PTPRM: variants seen among roughly 807,000 people sequenced by gnomAD.
PTPRM encodes the protein protein tyrosine phosphatase receptor type M.
In PTPRM, 47 loss-of-function variants were observed where a neutral mutation model predicts 186.7. That is an observed-to-expected ratio of 0.25 (90% confidence interval 0.20 to 0.32). PTPRM has a LOEUF of 0.32. PTPRM is among the 10% of genes least tolerant of loss of function. PTPRM has a pLI of 1.00. For missense variants in PTPRM, 1,494 were observed against 1,865.0 expected, an observed-to-expected ratio of 0.80 and a Z score of 3.66; for synonymous variants, 668 against 674.9, an observed-to-expected ratio of 0.99 and a Z score of 0.16.
chr18:7,808,416 C>T (rs1341103541), intron 2 of PTPRM, among the ~76,000 whole-genome samples: 1 of 152,160 alleles, frequency 6.6e-6, no homozygotes, highest in African/African-American at 2.4e-5. Context: ...TGTGAGATTC[C>T]ACCCAGTAAT....
intron 14 of PTPRM, among the ~76,000 whole-genome samples, chr18:8,185,992 GACATT>G (rs2093636619): frequency 6.6e-6 from 1 of 152,122 alleles, no homozygotes; most frequent in African/African-American, 2.4e-5. Context: ...TTATTTGTTG[GACATT>G]TTGTGAAGAG....
At chr18:8,023,414 C>CA (rs1314393064) in intron 7 of PTPRM, among the ~76,000 whole-genome samples, 1 of 151,714 alleles carries the variant, frequency 6.6e-6, no homozygotes, top group Non-Finnish European at 1.5e-5. Context: ...TGATTGGTTT[C>CA]AAAAAAAGAC....
At chr18:8,255,997 A>C (rs2094571154) in intron 19 of PTPRM, among the ~76,000 whole-genome samples, 1 of 152,206 alleles carries the variant, frequency 6.6e-6, no homozygotes, top group Non-Finnish European at 1.5e-5. Context: ...AGGTACTCAT[A>C]TGTCCCACTT....
intron 8 of PTPRM, among the ~76,000 whole-genome samples, 192 bp from the exon 9 acceptor site, chr18:8,076,263 G>A (rs1455802960): frequency 6.6e-6 from 1 of 152,052 alleles, no homozygotes; most frequent in Admixed American, 6.6e-5. Flanking sequence ...GAAAAAAAAT[G>A]ATAAAGTTAT....
At chr18:7,734,493 G>A (rs541995401) in intron 1 of PTPRM, among the ~76,000 whole-genome samples, 1 of 152,234 alleles carries the variant, frequency 6.6e-6, no homozygotes, top group Admixed American at 6.5e-5. Flanking sequence ...GTACTAAATC[G>A]AAGAATTGCT....
intron 2 of PTPRM, among the ~76,000 whole-genome samples, chr18:7,798,685 A>G (rs184819148): frequency 6.6e-6 from 1 of 152,238 alleles, no homozygotes; most frequent in East Asian, 1.9e-4. Flanking sequence ...ATGATGTGAA[A>G]TAAGGGCCAA....
intron 7 of PTPRM, among the ~76,000 whole-genome samples, chr18:8,039,466 T>A (rs2148145690): frequency 6.6e-6 from 1 of 152,268 alleles, no homozygotes; most frequent in South Asian, 2.1e-4. Flanking sequence ...ATTCAAAAAA[T>A]GGTAGGGATT....
intron 1 of PTPRM, among the ~76,000 whole-genome samples, chr18:7,681,605 C>T (rs1029513799): frequency 1.4e-4 from 22 of 151,948 alleles, no homozygotes; most frequent in Non-Finnish European, 1.2e-4. Flanking sequence ...AACAAAAAAC[C>T]CTTATTTTTG....
chr18:7,655,254 A>G lies in PTPRM; in HGVS notation c.73+87363A>G, dbSNP rs75196246. ...TAAAACATTTTAGAGATGGGATCTC[A>G]CCAAGTTGCCCAGGCTGGTCTCAAA... On this transcript the variant is annotated intron_variant, in intron 1 of 32. Coordinates refer to ENST00000580170, the MANE Select transcript of PTPRM (RefSeq NM_001105244.2). Among the ~76,000 whole-genome samples the G allele has an allele frequency of 2.5e-3, 376 of 152,252 alleles. 7 individuals are homozygous for G. In the East Asian group the frequency reaches 0.038, roughly 15 times the overall value.
rs535360233 is a variant in PTPRM, at chr18:8,331,992, C to T, written c.2957-11431C>T. ...GTGAAAACAGCTTAATTCCAAAGAC[C>T]AGACAAGTTCCTTCCTAACAGGCTT... On this transcript the variant is annotated intron_variant, in intron 22 of 32. Coordinates refer to ENST00000580170, the MANE Select transcript of PTPRM (RefSeq NM_001105244.2). Among the ~76,000 whole-genome samples the T allele has an allele frequency of 2.6e-5, 4 of 152,326 alleles. No individual in the cohort carries two copies. The South Asian group carries it at 8.3e-4, about 32-fold the overall frequency.
chr18:7,625,486 T>C (rs1190000559), intron 1 of PTPRM, among the ~76,000 whole-genome samples: 3 of 152,064 alleles, frequency 2.0e-5, no homozygotes, highest in African/African-American at 7.2e-5. Flanking sequence ...AAATAAAGCT[T>C]TTCATTATCA....
chr18:7,652,309 T>C (rs966590560), intron 1 of PTPRM, among the ~76,000 whole-genome samples: 1 of 152,162 alleles, frequency 6.6e-6, no homozygotes, highest in Non-Finnish European at 1.5e-5. Context: ...TTGGTGGGAC[T>C]GTAAACTAGT....
chr18:8,207,206 G>A (rs998269784), intron 14 of PTPRM, among the ~76,000 whole-genome samples: 4 of 152,320 alleles, frequency 2.6e-5, no homozygotes, highest in Admixed American at 2.6e-4. Flanking sequence ...GTTCAAAGGA[G>A]AGATCTGGAC....
chr18:7,859,503 A>G (rs1443605), intron 2 of PTPRM, among the ~76,000 whole-genome samples: 129,466 of 152,282 alleles, frequency 0.85, 55,064 homozygotes, highest in East Asian at 0.92. Flanking sequence ...ACTGCCTGGC[A>G]CCTGGGGCTT....
chr18:7,798,390 G>A lies in PTPRM; in HGVS notation c.196+24119G>A, dbSNP rs568408606. ...CTAAAAATGCAAAAATTAGCTGGGC[G>A]TGGTGGCAGGCGCCTGTAATTCCAG... On this transcript the variant is annotated intron_variant, in intron 2 of 32. Transcript: ENST00000580170. Among the ~76,000 whole-genome samples, 9 of 150,738 alleles carry A rather than the reference G, an allele frequency of 6.0e-5. No homozygotes were observed. The South Asian group carries it at 8.3e-4, about 14-fold the overall frequency.
intron 1 of PTPRM, among the ~76,000 whole-genome samples, chr18:7,730,071 AT>A (rs1278729622): frequency 6.6e-6 from 1 of 152,190 alleles, no homozygotes; most frequent in Non-Finnish European, 1.5e-5. Context: ...AATGATTAAC[AT>A]TTGGCACTTA....
chr18:7,895,727 T>A (rs1370519777), intron 3 of PTPRM, among the ~76,000 whole-genome samples: 1 of 152,206 alleles, frequency 6.6e-6, no homozygotes, highest in East Asian at 1.9e-4. Context: ...TTGATCAGCA[T>A]CTGAACTCTG....
chr18:7,628,865 A>G (rs894165207), intron 1 of PTPRM, among the ~76,000 whole-genome samples: 10 of 152,162 alleles, frequency 6.6e-5, no homozygotes, highest in East Asian at 1.9e-4. Flanking sequence ...TAATTCTTCT[A>G]TCAGCCCAAA....
chr18:8,074,247 C>T (rs929243634), intron 8 of PTPRM, among the ~76,000 whole-genome samples: 1 of 152,148 alleles, frequency 6.6e-6, no homozygotes, highest in Non-Finnish European at 1.5e-5. Flanking sequence ...CAATCTAAAA[C>T]ATTTTTTCCA....
Sources: gnomAD v4.1 joint callset for allele counts (sites outside exome capture counted in the v4.1 genomes callset) on GRCh38, gnomAD v4.1.1 for gene constraint, MANE v1.5 for transcripts, NCBI Gene and HGNC (gene_info 2026-07-23, HGNC 2026-07-21) for gene names.